RAB7A: variants seen among roughly 807,000 people sequenced by gnomAD.
RAB7A encodes ras-related protein Rab-7a.
Under a neutral mutation model 24.5 loss-of-function variants are expected in RAB7A, and 2 were observed. The ratio of observed to expected loss-of-function variants is 0.08; its 90% CI spans 0.03 to 0.26. The LOEUF is 0.26. Among genes scored for constraint, RAB7A ranks in the 10% least tolerant of loss-of-function variants. The pLI is 1.00. For synonymous variants in RAB7A, 100 were observed against 95.9 expected (o/e 1.04, Z -0.25); for missense variants, 118 against 255.7 (o/e 0.46, Z 3.67).
chr3:128,732,336 C>T (rs901447270), intron 1 of RAB7A, among the ~76,000 whole-genome samples: 4 of 151,744 alleles, frequency 2.6e-5, no homozygotes, highest in African/African-American at 9.7e-5. Context: ...CCACGCCTGG[C>T]CCACTACCTT....
chr3:128,809,787 A>G (rs9853945), intron 5 of RAB7A, among the ~76,000 whole-genome samples: 32,863 of 151,412 alleles, frequency 0.22, 5,083 homozygotes, highest in African/African-American at 0.43. Flanking sequence ...TCCCTCCCTG[A>G]ATAGACCGTG....
At chr3:128,771,790 G>A (rs533984166) in intron 1 of RAB7A, among the ~76,000 whole-genome samples, 4 of 152,310 alleles carry the variant, frequency 2.6e-5, no homozygotes, top group South Asian at 2.1e-4. Context: ...TACCAGAGTT[G>A]TTCTTGTATG....
intron 1 of RAB7A, among the ~76,000 whole-genome samples, chr3:128,781,542 G>A (rs547406892): frequency 6.6e-6 from 1 of 152,210 alleles, no homozygotes; most frequent in Non-Finnish European, 1.5e-5. Flanking sequence ...TGGGCATGGT[G>A]GCGTGTGCCT....
intron 1 of RAB7A, among the ~76,000 whole-genome samples, chr3:128,754,416 A>C (rs1043424749): frequency 2.0e-5 from 3 of 152,214 alleles, no homozygotes; most frequent in African/African-American, 7.2e-5. Flanking sequence ...TAACTGTAGG[A>C]TATACACAAA....
chr3:128,767,307 A>G (rs2070841543), intron 1 of RAB7A, among the ~76,000 whole-genome samples: 1 of 152,202 alleles, frequency 6.6e-6, no homozygotes, highest in Admixed American at 6.5e-5. Flanking sequence ...AGAGGAAGTC[A>G]GCTGTAGCAA....
chr3:128,807,441 G>A, intron 4 of RAB7A, 102 bp from the exon 5 acceptor site: 1 of 1,552,220 alleles, frequency 6.4e-7, no homozygotes, highest in Non-Finnish European at 8.9e-7. Flanking sequence ...GTCCTCACCT[G>A]TACTACCTGT....
At chr3:128,750,683 A>G (rs2070672123) in intron 1 of RAB7A, among the ~76,000 whole-genome samples, 1 of 152,252 alleles carries the variant, frequency 6.6e-6, no homozygotes, top group South Asian at 2.1e-4. Context: ...TGACATTGAA[A>G]TAGAAAGTAA....
At chr3:128,774,496 C>G (rs1464374128) in intron 1 of RAB7A, among the ~76,000 whole-genome samples, 6 of 151,464 alleles carry the variant, frequency 4.0e-5, no homozygotes, top group South Asian at 2.1e-4. Context: ...GAGTTTTGCT[C>G]TGTTGCCCAG....
At chr3:128,740,529 A>G (rs149560242) in intron 1 of RAB7A, among the ~76,000 whole-genome samples, 4 of 152,210 alleles carry the variant, frequency 2.6e-5, no homozygotes, top group African/African-American at 4.8e-5. Flanking sequence ...ATACTTGTCA[A>G]TTGTCAGTTT....
chr3:128,777,713 A>G (rs1168025843), intron 1 of RAB7A, among the ~76,000 whole-genome samples: 1 of 152,222 alleles, frequency 6.6e-6, no homozygotes, highest in East Asian at 1.9e-4. Context: ...AAGCTGCTCC[A>G]GTCAATCATT....
At chr3:128,798,449 G>A (rs143058186) in intron 3 of RAB7A, 170 of 228,680 alleles carry the variant, frequency 7.4e-4, no homozygotes, top group African/African-American at 3.7e-3. Flanking sequence ...TCTCACCTCA[G>A]TAGTGAGACA....
chr3:128,752,985 T>C (rs1241964088), intron 1 of RAB7A, among the ~76,000 whole-genome samples: 5 of 152,184 alleles, frequency 3.3e-5, no homozygotes, highest in African/African-American at 1.2e-4. Context: ...CATGATACCC[T>C]AAGGAAATGT....
chr3:128,758,926 A>G (rs1468993794), intron 1 of RAB7A, among the ~76,000 whole-genome samples: 1 of 152,214 alleles, frequency 6.6e-6, no homozygotes, highest in Non-Finnish European at 1.5e-5. Flanking sequence ...TCCCTGGCTC[A>G]GAGTTTTAAG....
chr3:128,806,691 G>T, intron 4 of RAB7A, 101 bp downstream of exon 4: 1 of 1,182,790 alleles, frequency 8.5e-7, no homozygotes, highest in East Asian at 2.5e-5. Context: ...TCTAGGAGGT[G>T]CTGGTGGGAG....
At chr3:128,800,600 AAG>A (rs1470455756) in intron 3 of RAB7A, among the ~76,000 whole-genome samples, 3 of 151,638 alleles carry the variant, frequency 2.0e-5, no homozygotes, top group South Asian at 2.1e-4. Context: ...GAAACTAAAA[AAG>A]AAAAAGGCTT....
rs764272943 is a variant in RAB7A, at chr3:128,813,456, C to A, written c.*34C>A. The A allele has an allele frequency of 6.3e-7, 1 of 1,585,506 alleles. No homozygotes were observed. The highest frequency in any genetic ancestry group is 1.1e-5 in the South Asian group (1 of 90,496). ...TGAGAGTTGAGCACAGAGTCCTTCA[C>A]AAACCAAGAACACACGTAGGCCTTC... On this transcript the variant is annotated 3_prime_UTR_variant, in exon 6 of 6. Coordinates refer to ENST00000265062, the MANE Select transcript of RAB7A (RefSeq NM_004637.6).
At chr3:128,782,109 C>A (rs1416656775) in intron 1 of RAB7A, among the ~76,000 whole-genome samples, 1 of 152,174 alleles carries the variant, frequency 6.6e-6, no homozygotes, top group Non-Finnish European at 1.5e-5. Context: ...CCCCAGTGTT[C>A]AGTATAATTA....
At chr3:128,794,738 C>T (rs373970647) in intron 1 of RAB7A, among the ~76,000 whole-genome samples, 1 of 152,174 alleles carries the variant, frequency 6.6e-6, no homozygotes, top group East Asian at 1.9e-4. Flanking sequence ...GAAAGATTTT[C>T]TGGAAAAGAG....
intron 1 of RAB7A, among the ~76,000 whole-genome samples, chr3:128,727,501 C>T (rs913279811): frequency 2.6e-5 from 4 of 152,212 alleles, no homozygotes; most frequent in Non-Finnish European, 5.9e-5. Context: ...TCAGTTCTCC[C>T]TTAAAGCCAT....
Sources: allele counts gnomAD v4.1 joint callset (sites outside exome capture counted in the v4.1 genomes callset), GRCh38; gene constraint gnomAD v4.1.1; transcripts MANE v1.5; gene names NCBI Gene and HGNC (gene_info 2026-07-23, HGNC 2026-07-21).